The following COL11A1 variants were observed in gnomAD, a reference collection of about 807,000 sequenced individuals.
COL11A1 encodes collagen alpha-1(XI) chain.
COL11A1 carries 74 observed loss-of-function variants against 265.2 expected under a neutral mutation model. The ratio of observed to expected loss-of-function variants is 0.28; its 90% CI spans 0.23 to 0.34. The LOEUF is 0.34. Ranked by LOEUF, COL11A1 falls within the 10% of genes least tolerant of loss-of-function variation. The probability of loss-of-function intolerance (pLI) is 1.00; values close to 1 mark genes in which losing one functional copy is unlikely to be tolerated. For missense variants in COL11A1, 2,165 were observed against 2,263.6 expected (o/e 0.96, Z 0.88); for synonymous variants, 816 against 727.6 (o/e 1.12, Z -1.96).
intron 49 of COL11A1, among the ~76,000 whole-genome samples, chr1:102,918,588 AAAACAAAC>A (rs139581443): frequency 3.3e-5 from 5 of 150,746 alleles, no homozygotes; most frequent in East Asian, 2.0e-4. Context: ...ACAACAACAA[AAAACAAAC>A]AAACAAACAA....
chr1:102,930,775 T>C (rs2101153921), intron 46 of COL11A1, among the ~76,000 whole-genome samples: 1 of 151,824 alleles, frequency 6.6e-6, no homozygotes, highest in South Asian at 2.1e-4. Context: ...TCAGATCCTG[T>C]TATTGGTCTA....
intron 66 of COL11A1, among the ~76,000 whole-genome samples, chr1:102,878,430 A>T (rs992494832): frequency 7.2e-5 from 10 of 139,154 alleles, no homozygotes; most frequent in Non-Finnish European, 1.1e-4. Context: ...TGAGTTTCAT[A>T]ATAAATACAA....
At chr1:102,928,043 A>G (rs1656837903) in intron 46 of COL11A1, among the ~76,000 whole-genome samples, 1 of 152,080 alleles carries the variant, frequency 6.6e-6, no homozygotes, top group Non-Finnish European at 1.5e-5. Context: ...ATTGCTATCA[A>G]TCTGAAGTAC....
intron 42 of COL11A1, among the ~76,000 whole-genome samples, chr1:102,945,858 C>T (rs1283248739): frequency 6.6e-6 from 1 of 151,726 alleles, no homozygotes; most frequent in Non-Finnish European, 1.5e-5. Flanking sequence ...AATCATGCTG[C>T]CATAAAGACA....
rs375712032 is a variant in COL11A1 at position 102,980,288 on chromosome 1, A to C, written c.2557-853T>G. 5.3e-5 allele frequency among the ~76,000 whole-genome samples: 8 copies of C among 152,284 alleles called. No homozygotes were observed. The East Asian group carries it at 1.4e-3, about 26-fold the overall frequency. On this transcript the variant is annotated intron_variant, in intron 31 of 66. Transcript: ENST00000370096. ...TTTATAAAAACACTATTTCATTTAC[A>C]AATGGCCACATTTTACAGATGGAAT...
intron 63 of COL11A1, chr1:102,884,261 T>C (rs1389665579): frequency 6.6e-6 from 1 of 152,162 alleles, no homozygotes; most frequent in Non-Finnish European, 1.5e-5. Flanking sequence ...AACCCCTTTT[T>C]TGCAAAGCCA....
At chr1:103,063,126 G>A (rs1380239780) in intron 4 of COL11A1, among the ~76,000 whole-genome samples, 3 of 152,002 alleles carry the variant, frequency 2.0e-5, no homozygotes, top group East Asian at 1.9e-4. Flanking sequence ...ATACTGTCAA[G>A]ATGTCAGTTC....
rs529008149 is a variant in COL11A1, at chr1:102,993,350, C to T, written c.2340+2514G>A. On this transcript the variant is annotated intron_variant, in intron 28 of 66. Coordinates refer to ENST00000370096, the MANE Select transcript of COL11A1 (RefSeq NM_001854.4). ...GGGGTGATTGGTTCCAGGACCCCAA[C>T]CCAACTTCCTATATCAAAATCTGTG... is the stretch of plus-strand genomic sequence containing the variant. 7.9e-5 allele frequency among the ~76,000 whole-genome samples: 12 copies of T among 152,078 alleles called. No individual in the cohort carries two copies. In the South Asian group the frequency reaches 2.5e-3, roughly 32 times the overall value.
intron 4 of COL11A1, among the ~76,000 whole-genome samples, chr1:103,046,921 T>C (rs922072119): frequency 3.3e-5 from 5 of 152,156 alleles, no homozygotes; most frequent in African/African-American, 4.8e-5. Flanking sequence ...GCTGTAGATA[T>C]GCGGCATTAT....
intron 11 of COL11A1, among the ~76,000 whole-genome samples, chr1:103,017,547 C>G (rs955358574): frequency 6.6e-6 from 1 of 152,056 alleles, no homozygotes; most frequent in African/African-American, 2.4e-5. Context: ...ATTTGAAGAC[C>G]AGAATCCCTA....
At chr1:103,012,373 G>A in intron 14 of COL11A1, 40 bp downstream of exon 14, 1 of 1,550,188 alleles carries the variant, frequency 6.5e-7, no homozygotes, top group South Asian at 1.1e-5. Context: ...CTGCTAATTT[G>A]AAAATTTTAA....
At chr1:103,094,842 CA>C (rs1300439937) in intron 1 of COL11A1, among the ~76,000 whole-genome samples, 4 of 151,894 alleles carry the variant, frequency 2.6e-5, no homozygotes, top group Non-Finnish European at 5.9e-5. Flanking sequence ...TTAGGGGAGC[CA>C]AAAGTTATAC....
At chr1:102,997,025 A>AT in intron 26 of COL11A1, 55 bp downstream of exon 26, 1 of 1,478,990 alleles carries the variant, frequency 6.8e-7, no homozygotes, top group Non-Finnish European at 9.5e-7. Context: ...AAATTAAGGC[A>AT]TTTTCTCTTG....
intron 46 of COL11A1, among the ~76,000 whole-genome samples, chr1:102,927,715 A>G (rs1443455554): frequency 2.0e-5 from 3 of 152,124 alleles, no homozygotes; most frequent in East Asian, 3.9e-4. Flanking sequence ...TAAGAGTCCA[A>G]TTGTAAGATA....
intron 31 of COL11A1, among the ~76,000 whole-genome samples, chr1:102,982,331 C>A (rs995327398): frequency 6.6e-6 from 1 of 151,946 alleles, no homozygotes; most frequent in African/African-American, 2.4e-5. Flanking sequence ...AAATAAAATT[C>A]TACTCATTCA....
chr1:103,024,368 C>A (rs1667355516), intron 7 of COL11A1, among the ~76,000 whole-genome samples: 1 of 152,106 alleles, frequency 6.6e-6, no homozygotes, highest in Non-Finnish European at 1.5e-5. Flanking sequence ...TTGTAAATTT[C>A]ATTTTTAAGT....
chr1:102,988,342 A>G (rs1663782964), intron 29 of COL11A1, among the ~76,000 whole-genome samples: 1 of 152,062 alleles, frequency 6.6e-6, no homozygotes, highest in Non-Finnish European at 1.5e-5. Flanking sequence ...ATCTTTAAAA[A>G]ACCCTATCCT....
At chr1:102,986,559 TAAAG>T (rs1663573080) in intron 30 of COL11A1, among the ~76,000 whole-genome samples, 1 of 152,002 alleles carries the variant, frequency 6.6e-6, no homozygotes, top group Non-Finnish European at 1.5e-5. Flanking sequence ...AAAAATAAAA[TAAAG>T]AAATTATGGA....
rs192683373 is a variant in COL11A1, at chr1:103,057,209, T to A, written c.651+17409A>T. On this transcript the variant is annotated intron_variant, in intron 4 of 66. Transcript: ENST00000370096. ...AATATTCTAAATCCTTTGATGTCATTTAACAATATTCACAACCTCTTCACC... is the reference window on the plus strand; with the variant it reads ...AATATTCTAAATCCTTTGATGTCATATAACAATATTCACAACCTCTTCACC... Among the ~76,000 whole-genome samples the A allele has an allele frequency of 8.5e-5, 13 of 152,282 alleles. 1 individual carries two copies. The highest frequency in any genetic ancestry group is 8.5e-4 in the Admixed American group (13 of 15,292).
Sources: gnomAD v4.1 joint callset for allele counts (sites outside exome capture counted in the v4.1 genomes callset) on GRCh38, gnomAD v4.1.1 for gene constraint, MANE v1.5 for transcripts, NCBI Gene and HGNC (gene_info 2026-07-23, HGNC 2026-07-21) for gene names.